ANKRD6: variants seen among roughly 807,000 people sequenced by gnomAD.
ANKRD6 encodes the protein ankyrin repeat domain-containing protein 6.
In ANKRD6, 56 loss-of-function variants were observed where a neutral mutation model predicts 82.3. That is an observed-to-expected ratio of 0.68 (90% CI 0.55 to 0.85). ANKRD6 has a LOEUF of 0.85. ANKRD6 is among the 40% of genes least tolerant of loss of function. The pLI is 0.00. For synonymous variants in ANKRD6, 347 were observed against 352.1 expected, an observed-to-expected ratio of 0.99 and a Z score of 0.16; for missense variants, 852 against 907.6, an observed-to-expected ratio of 0.94 and a Z score of 0.79.
intron 1 of ANKRD6, among the ~76,000 whole-genome samples, chr6:89,500,302 A>G (rs1378329982): frequency 6.6e-6 from 1 of 152,172 alleles, no homozygotes; most frequent in Non-Finnish European, 1.5e-5. Flanking sequence ...TGGAGGTGGA[A>G]TTCCAAGCAG....
Position 89,623,504 on chromosome 6 carries a change from C to T in ANKRD6, c.992C>T (p.Pro331Leu). 2 of 1,594,274 alleles carry T rather than the reference C, an allele frequency of 1.3e-6. No homozygotes were observed. The highest frequency in any genetic ancestry group is 1.7e-6 in the Non-Finnish European group (2 of 1,170,346). ...GAGTTCCTGTCAGCCTCCCCAGAACCCAGAGCAAAGGATGACAGGAGGAGA... is the reference window on the plus strand; with the variant it reads ...GAGTTCCTGTCAGCCTCCCCAGAACTCAGAGCAAAGGATGACAGGAGGAGA... ...REEFLSASPE[P>L]RAKDDRRRKS... Residue 331 changes from proline (P) to leucine (L), a missense_variant, in exon 11 of 16, where the codon CCC becomes CTC. Physicochemically the swap from Pro to Leu is moderately conservative, Grantham distance 98. Coordinates refer to ENST00000339746, the MANE Select transcript of ANKRD6 (RefSeq NM_001242809.2).
At position 89,630,549 on chromosome 6, in the gene ANKRD6, G is replaced by A. The variant is rs762089890; in HGVS notation, c.1729G>A (p.Glu577Lys). 6.2e-7 allele frequency: 1 copy of A among 1,613,832 alleles called. No individual in the cohort carries two copies. The highest frequency in any genetic ancestry group is 8.5e-7 in the Non-Finnish European group (1 of 1,179,848). The change falls in exon 16 of 16, where the codon GAG becomes AAG. Residue 577 changes from glutamate (E) to lysine (K), a missense_variant. Physicochemically the swap from Glu to Lys is moderately conservative, Grantham distance 56 (BLOSUM62 1). Transcript: ENST00000339746. ...NSTATQRLQQ[E>K]LSSSDCTGSR... is the part of the protein sequence containing the mutation. ...CACTGCTACCCAGAGACTCCAGCAG[G>A]AGCTGTCGTCTTCTGACTGTACAGG... is the stretch of plus-strand genomic sequence containing the variant.
intron 1 of ANKRD6, among the ~76,000 whole-genome samples, chr6:89,481,761 A>G (rs1776842796): frequency 1.3e-5 from 2 of 151,962 alleles, no homozygotes; most frequent in Admixed American, 1.3e-4. Context: ...TGGTGGTGGT[A>G]CTGCTGCTGG....
intron 2 of ANKRD6, among the ~76,000 whole-genome samples, chr6:89,581,125 ATC>A (rs1041839010): frequency 6.6e-6 from 1 of 152,162 alleles, no homozygotes; most frequent in African/African-American, 2.4e-5. Flanking sequence ...AAGTAGATGT[ATC>A]TCTGTGTGTT....
At chr6:89,571,183 CT>C (rs767356606) in intron 2 of ANKRD6, among the ~76,000 whole-genome samples, 3 of 152,152 alleles carry the variant, frequency 2.0e-5, no homozygotes, top group Non-Finnish European at 4.4e-5. Flanking sequence ...TCCTGAGTAG[CT>C]GGGACTACAG....
intron 1 of ANKRD6, among the ~76,000 whole-genome samples, chr6:89,531,540 G>A (rs1583120177): frequency 6.6e-6 from 1 of 152,348 alleles, no homozygotes; most frequent in Non-Finnish European, 1.5e-5. Flanking sequence ...ACATCTCACA[G>A]CAATATCTCC....
chr6:89,605,868 T>TG (rs1460850981), intron 4 of ANKRD6, 139 bp from the exon 5 acceptor site: 4 of 495,776 alleles, frequency 8.1e-6, no homozygotes, highest in Non-Finnish European at 1.4e-5. Flanking sequence ...TCATCTTCTG[T>TG]AGTCTGTGGC....
intron 1 of ANKRD6, among the ~76,000 whole-genome samples, chr6:89,549,413 CCT>C (rs945608203): frequency 8.0e-5 from 12 of 149,904 alleles, no homozygotes; most frequent in South Asian, 2.2e-4. Context: ...CCTCCCTTGC[CCT>C]TCTGTCCGTA....
At chr6:89,623,822 T>C (rs984742632) in intron 11 of ANKRD6, 50 bp from the exon 12 acceptor site, 3 of 1,561,912 alleles carry the variant, frequency 1.9e-6, no homozygotes, top group African/African-American at 2.7e-5. Flanking sequence ...CTGGTGTCAG[T>C]CTTGCAGAGG....
Position 89,596,024 on chromosome 6 carries a change from A to C in ANKRD6, c.219+10A>C. 6.3e-7 allele frequency: 1 copy of C among 1,599,668 alleles called. No homozygotes were observed. Among genetic ancestry groups the C allele is most frequent in the South Asian group, 1.1e-5 (1 of 88,302 alleles). On this transcript the variant is annotated intron_variant, in intron 3 of 15. Transcript: ENST00000339746. ...TGATGTCCAGGATGATGTGAGTAGAAGCCATCATTCTATCAGGCTGAGTTG... is the reference window on the plus strand; with the variant it reads ...TGATGTCCAGGATGATGTGAGTAGACGCCATCATTCTATCAGGCTGAGTTG...
At chr6:89,458,903 G>A (rs1312157482) in intron 1 of ANKRD6, among the ~76,000 whole-genome samples, 1 of 152,126 alleles carries the variant, frequency 6.6e-6, no homozygotes, top group Non-Finnish European at 1.5e-5. Context: ...CTGTCTTGGG[G>A]TTCAGCACCA....
At chr6:89,499,605 G>T (rs1413974088) in intron 1 of ANKRD6, among the ~76,000 whole-genome samples, 1 of 152,068 alleles carries the variant, frequency 6.6e-6, no homozygotes, top group Admixed American at 6.5e-5. Flanking sequence ...GGCCAGGGGT[G>T]CCAATAGCTT....
chr6:89,592,344 C>T (rs952623689), intron 2 of ANKRD6, among the ~76,000 whole-genome samples: 3 of 152,156 alleles, frequency 2.0e-5, no homozygotes, highest in Non-Finnish European at 4.4e-5. Context: ...AGATGATGGA[C>T]GTTACCTCGT....
intron 2 of ANKRD6, among the ~76,000 whole-genome samples, chr6:89,570,752 C>T (rs1420154771): frequency 2.6e-5 from 4 of 152,174 alleles, no homozygotes; most frequent in Admixed American, 1.3e-4. Context: ...AATAATAATC[C>T]ATTTTATGTA....
Position 89,612,277 on chromosome 6 carries a change from G to A in ANKRD6, c.423G>A (p.Gly141=), listed in dbSNP as rs748534196. The A allele has an allele frequency of 1.2e-5, 19 of 1,557,604 alleles. No homozygotes were observed. The highest frequency in any genetic ancestry group is 1.7e-5 in the Non-Finnish European group (19 of 1,150,238). Residue 141 remains glycine (G), a synonymous_variant, in exon 6 of 16, where the codon GGG becomes GGA. Coordinates refer to ENST00000339746, the MANE Select transcript of ANKRD6 (RefSeq NM_001242809.2). ...GANVLAKNKA[G]NTALHLACQN... ...TCTCTCTGCCTCTCTCCAAGGCGGG[G>A]AACACAGCTCTGCACCTGGCCTGCC...
intron 1 of ANKRD6, among the ~76,000 whole-genome samples, chr6:89,441,935 C>T (rs769833596): frequency 2.0e-5 from 3 of 151,574 alleles, no homozygotes; most frequent in Non-Finnish European, 4.4e-5. Flanking sequence ...CCCAGCCAGC[C>T]ATGGTTTTCA....
chr6:89,498,189 TCCAC>T, intron 1 of ANKRD6, among the ~76,000 whole-genome samples: 1 of 152,292 alleles, frequency 6.6e-6, no homozygotes, highest in South Asian at 2.1e-4. Context: ...TACTCCCTCT[TCCAC>T]CCACTTTTCC....
rs1467619474 is a variant in ANKRD6 at position 89,487,352 on chromosome 6, A to C, written c.-144+53977A>C. 2.6e-5 allele frequency among the ~76,000 whole-genome samples: 4 copies of C among 152,218 alleles called. No homozygotes were observed. The East Asian group carries it at 7.7e-4, about 29-fold the overall frequency. ...CCCCTGGCATTAGATTCTTGCAATT[A>C]AATTCTTTCTGACATGCAGAGTATT... On this transcript the variant is annotated intron_variant, in intron 1 of 15. Coordinates refer to ENST00000339746, the MANE Select transcript of ANKRD6 (RefSeq NM_001242809.2).
intron 1 of ANKRD6, among the ~76,000 whole-genome samples, chr6:89,474,208 T>C (rs1175672529): frequency 6.6e-6 from 1 of 152,222 alleles, no homozygotes; most frequent in Non-Finnish European, 1.5e-5. Context: ...GTGAACACAC[T>C]GCCTATAGAT....
Sources: allele counts gnomAD v4.1 joint callset (sites outside exome capture counted in the v4.1 genomes callset), GRCh38; gene constraint gnomAD v4.1.1; transcripts MANE v1.5; gene names NCBI Gene and HGNC (gene_info 2026-07-23, HGNC 2026-07-21).